Variants in TYR observed in about 807,000 individuals in gnomAD.
TYR encodes tyrosinase, also known as LB24-AB.
TYR carries 58 observed loss-of-function variants against 51.5 expected under a neutral mutation model. The observed-to-expected ratio is 1.13, with a 90% CI of 0.91 to 1.40. The LOEUF (loss-of-function observed/expected upper bound fraction) is 1.40, where lower values mean the gene tolerates loss of function less well. TYR is among the 40% of genes most tolerant of loss of function. The pLI is 0.00. For synonymous variants in TYR, 263 were observed against 235.2 expected (o/e 1.12, Z -1.08); for missense variants, 732 against 647.4 (o/e 1.13, Z -1.42).
At chr11:89,250,389 G>T (rs1311799362) in intron 3 of TYR, among the ~76,000 whole-genome samples, 3 of 151,874 alleles carry the variant, frequency 2.0e-5, no homozygotes. Flanking sequence ...TTAGGACTTT[G>T]ACTCACTTCT....
At chr11:89,209,130 T>TG (rs531570846) in intron 2 of TYR, among the ~76,000 whole-genome samples, 13 of 152,206 alleles carry the variant, frequency 8.5e-5, no homozygotes, top group Admixed American at 2.6e-4. Context: ...CAAAGCAGGA[T>TG]GGGGGGTCAC....
chr11:89,232,534 T>G lies in TYR; in HGVS notation c.1184+4564T>G, dbSNP rs887227476. On this transcript the variant is annotated intron_variant, in intron 3 of 4. Coordinates refer to ENST00000263321, the MANE Select transcript of TYR (RefSeq NM_000372.5). The stretch of plus-strand genomic sequence containing the variant: ...ACATAAAGATGGGAGCCATAGATAT[T>G]GGGAACTACTAGAGTGAAGAGAGAA... Among the ~76,000 whole-genome samples, 13 of 141,742 alleles carry G rather than the reference T, an allele frequency of 9.2e-5. 1 individual carries two copies. Among genetic ancestry groups the G allele is most frequent in the African/African-American group, 2.0e-4 (7 of 35,424 alleles). 93.0% of individuals were successfully genotyped at this position (141,742 alleles called of 152,430 possible).
intron 3 of TYR, among the ~76,000 whole-genome samples, chr11:89,276,717 T>C (rs528114800): frequency 1.3e-5 from 2 of 151,804 alleles, no homozygotes; most frequent in East Asian, 3.9e-4. Flanking sequence ...AAGATGAAGG[T>C]CAAGCAGAGC....
intron 3 of TYR, among the ~76,000 whole-genome samples, chr11:89,237,917 C>A (rs755356121): frequency 1.3e-5 from 2 of 152,082 alleles, no homozygotes; most frequent in Non-Finnish European, 2.9e-5. Flanking sequence ...CTCACTCCCA[C>A]CTCCACCTCC....
intron 3 of TYR, among the ~76,000 whole-genome samples, chr11:89,277,297 G>T (rs760206287): frequency 6.6e-6 from 1 of 151,706 alleles, no homozygotes; most frequent in Non-Finnish European, 1.5e-5. Context: ...TTATACAACT[G>T]CAATTCAATA....
At chr11:89,178,973 T>C (rs1432745163) in intron 1 of TYR, among the ~76,000 whole-genome samples, 1 of 152,250 alleles carries the variant, frequency 6.6e-6, no homozygotes, top group African/African-American at 2.4e-5. Flanking sequence ...ATTTGTTTAA[T>C]GACTTCTACT....
intron 3 of TYR, among the ~76,000 whole-genome samples, chr11:89,272,545 T>C (rs1590892769): frequency 6.6e-6 from 1 of 151,902 alleles, no homozygotes; most frequent in East Asian, 2.0e-4. Context: ...TTTGGACTTT[T>C]GGAATGGCTT....
intron 1 of TYR, among the ~76,000 whole-genome samples, chr11:89,184,322 T>G (rs1428690262): frequency 6.6e-6 from 1 of 152,110 alleles, no homozygotes. Context: ...TTTGAAAATA[T>G]CCTGAGATTA....
chr11:89,256,290 A>T (rs887853940), intron 3 of TYR, among the ~76,000 whole-genome samples: 5 of 151,862 alleles, frequency 3.3e-5, no homozygotes, highest in African/African-American at 1.2e-4. Flanking sequence ...ATACACACGA[A>T]GTATTTCTGA....
intron 1 of TYR, among the ~76,000 whole-genome samples, chr11:89,182,790 T>C (rs891109014): frequency 4.6e-5 from 7 of 152,086 alleles, no homozygotes; most frequent in African/African-American, 1.7e-4. Flanking sequence ...TTAGATCTAA[T>C]GTTATGCAAC....
At chr11:89,199,081 G>A (rs1171015591) in intron 2 of TYR, among the ~76,000 whole-genome samples, 1 of 152,074 alleles carries the variant, frequency 6.6e-6, no homozygotes, top group Admixed American at 6.6e-5. Flanking sequence ...CCCTAAAAAG[G>A]ACATGAACTC....
chr11:89,285,982 C>T (rs1012571592), intron 4 of TYR, among the ~76,000 whole-genome samples: 1 of 151,766 alleles, frequency 6.6e-6, no homozygotes, highest in African/African-American at 2.4e-5. Context: ...AAACTCAACC[C>T]TCTCACTCTT....
chr11:89,287,088 C>A lies in TYR; in HGVS notation c.1366+2134C>A, dbSNP rs188327004. ...TATAGTGATGTTTACTCACGCCTTT[C>A]TCATAGTTACATAGCATTTCTTTCT... On this transcript the variant is annotated intron_variant, in intron 4 of 4. Coordinates refer to ENST00000263321, the MANE Select transcript of TYR (RefSeq NM_000372.5). Among the ~76,000 whole-genome samples, 82 of 151,956 alleles carry A rather than the reference C, an allele frequency of 5.4e-4. 1 individual carries two copies. Among genetic ancestry groups the A allele is most frequent in the African/African-American group, 1.9e-3 (79 of 41,492 alleles).
chr11:89,279,879 T>C (rs1944700672), intron 3 of TYR, among the ~76,000 whole-genome samples: 1 of 151,778 alleles, frequency 6.6e-6, no homozygotes, highest in Non-Finnish European at 1.5e-5. Context: ...GGGAGTTATA[T>C]ATAGTACCTT....
intron 3 of TYR, among the ~76,000 whole-genome samples, chr11:89,255,663 T>C (rs550045120): frequency 6.6e-6 from 1 of 151,866 alleles, no homozygotes; most frequent in African/African-American, 2.4e-5. Context: ...AAGTAGTTCA[T>C]TTTGTTTAAA....
At chr11:89,287,557 A>G (rs1194440861) in intron 4 of TYR, among the ~76,000 whole-genome samples, 3 of 151,896 alleles carry the variant, frequency 2.0e-5, no homozygotes, top group Non-Finnish European at 4.4e-5. Flanking sequence ...TGAAAAACTC[A>G]TTTATATAGA....
chr11:89,275,550 A>G (rs565800578), intron 3 of TYR, among the ~76,000 whole-genome samples: 7 of 152,036 alleles, frequency 4.6e-5, no homozygotes, highest in Admixed American at 3.3e-4. Flanking sequence ...AATCAATAAA[A>G]TATTAAGCAA....
At position 89,193,006 on chromosome 11, in the gene TYR, C is replaced by T. The variant is rs545581327; in HGVS notation, c.1036+1588C>T. ...GGGTTGAGAGTTTCTTTAAAGTGGA[C>T]AATACCAGTTTGGTCTTTTGACATA... On this transcript the variant is annotated intron_variant, in intron 2 of 4. Transcript: ENST00000263321. Among the ~76,000 whole-genome samples, 24 of 152,196 alleles carry T rather than the reference C, an allele frequency of 1.6e-4. No individual in the cohort carries two copies. The East Asian group carries it at 3.5e-3, about 22-fold the overall frequency.
chr11:89,211,736 C>T (rs1283144499), intron 2 of TYR, among the ~76,000 whole-genome samples: 1 of 152,074 alleles, frequency 6.6e-6, no homozygotes, highest in Non-Finnish European at 1.5e-5. Context: ...AACAGAATCA[C>T]AACAAACTGT....
Sources: allele counts gnomAD v4.1 joint callset (sites outside exome capture counted in the v4.1 genomes callset), GRCh38; gene constraint gnomAD v4.1.1; transcripts MANE v1.5; gene names NCBI Gene and HGNC (gene_info 2026-07-23, HGNC 2026-07-21).